Variants in KIF24 observed in about 807,000 individuals in gnomAD.
KIF24 encodes the protein kinesin family member 24.
A neutral mutation model predicts 118.9 loss-of-function variants in KIF24; 81 were observed. The ratio of observed to expected loss-of-function variants is 0.68; its 90% CI spans 0.57 to 0.82. The LOEUF is 0.82. Ranked by LOEUF, KIF24 falls within the 40% of genes least tolerant of loss-of-function variation. The pLI is 0.00. For synonymous variants in KIF24, 599 were observed against 610.0 expected (o/e 0.98, Z 0.27); for missense variants, 1,560 against 1,661.6 (o/e 0.94, Z 1.06).
chr9:34,291,341 A>AG (rs1368042042), intron 4 of KIF24, among the ~76,000 whole-genome samples: 2 of 152,132 alleles, frequency 1.3e-5, no homozygotes, highest in Non-Finnish European at 2.9e-5. Context: ...CCAAATCTTG[A>AG]GGGGAAAAAA....
upstream of KIF24, among the ~76,000 whole-genome samples, chr9:34,329,858 G>GT (rs1837837913): frequency 6.6e-6 from 1 of 152,090 alleles, no homozygotes; most frequent in African/African-American, 2.4e-5. Context: ...GGATAGGGTG[G>GT]GTCGTCCAAA....
chr9:34,306,270 G>A lies in KIF24; in HGVS notation c.795C>T (p.Leu265=), dbSNP rs758143760. ...LVHEKKEAVD[L]TQYILQHVFY... is the part of the protein sequence containing the mutation. ...ATCATACCTGCAGAATATATTGAGT[G>A]AGGTCAACTGCTTCTTTCTTCTCAT... Residue 265 remains leucine (L), a synonymous_variant, in exon 3 of 13, where the codon CTC becomes CTT. Transcript: ENST00000402558. The A allele has an allele frequency of 1.5e-5, 24 of 1,600,492 alleles. No individual in the cohort carries two copies. The highest frequency in any genetic ancestry group is 2.0e-5 in the Non-Finnish European group (24 of 1,172,910).
At chr9:34,323,951 A>G (rs1837597192) in intron 1 of KIF24, among the ~76,000 whole-genome samples, 1 of 152,234 alleles carries the variant, frequency 6.6e-6, no homozygotes, top group Admixed American at 6.5e-5. Flanking sequence ...TTTGTTTTAG[A>G]AAGTGATCAG....
intron 1 of KIF24, among the ~76,000 whole-genome samples, chr9:34,313,834 A>C (rs574099372): frequency 6.7e-6 from 1 of 149,358 alleles, no homozygotes; most frequent in East Asian, 2.0e-4. Flanking sequence ...TGCAGCCTCA[A>C]CCTGCTGGGC....
At chr9:34,301,172 T>G (rs1836693106) in intron 3 of KIF24, among the ~76,000 whole-genome samples, 1 of 152,196 alleles carries the variant, frequency 6.6e-6, no homozygotes, top group African/African-American at 2.4e-5. Context: ...ACACACACTT[T>G]CATTTGCTCA....
intron 1 of KIF24, chr9:34,319,169 G>T: frequency 6.2e-7 from 1 of 1,603,194 alleles, no homozygotes; most frequent in Non-Finnish European, 8.5e-7. Flanking sequence ...GCTGCAAATC[G>T]TGGAGATGCC....
upstream of KIF24, among the ~76,000 whole-genome samples, chr9:34,332,397 T>G (rs916336135): frequency 6.6e-6 from 1 of 152,226 alleles, no homozygotes; most frequent in Non-Finnish European, 1.5e-5. Flanking sequence ...GTAACTTGTC[T>G]GTTGGAATGT....
chr9:34,269,167 T>C, intron 8 of KIF24, 90 bp downstream of exon 8: 1 of 713,848 alleles, frequency 1.4e-6, no homozygotes, highest in Non-Finnish European at 2.4e-6. Context: ...GTTGCTTTGC[T>C]GATTCCATCC....
intron 1 of KIF24, among the ~76,000 whole-genome samples, chr9:34,313,738 G>GTT (rs5897567): frequency 7.7e-5 from 10 of 130,348 alleles, no homozygotes; most frequent in Non-Finnish European, 9.8e-5. Flanking sequence ...CCCGTTATCT[G>GTT]TTTTTTTTTT....
In KIF24 at chr9:34,257,644, C is replaced by T. The variant is rs200112735; in HGVS notation, c.1963G>A (p.Gly655Arg). Residue 655 changes from glycine (G) to arginine (R), a missense_variant, in exon 11 of 13, where the codon GGA becomes AGA. Coordinates refer to ENST00000402558, the MANE Select transcript of KIF24 (RefSeq NM_194313.4). ...ASPVKGTVRSGHVAKKKPEES... is the reference protein window; with the variant it reads ...ASPVKGTVRSRHVAKKKPEES... Reference sequence around the variant, plus strand: ...TCTGGCTTTTTTTTGGCCACATGTCCAGAGCGCACAGTTCCTTTCACAGGG... The same window carrying T: ...TCTGGCTTTTTTTTGGCCACATGTCTAGAGCGCACAGTTCCTTTCACAGGG... The T allele has an allele frequency of 3.1e-6, 5 of 1,614,040 alleles. No homozygotes were observed. The African/African-American group carries it at 6.7e-5, about 22-fold the overall frequency.
At chr9:34,260,497 A>C (rs1173326280) in intron 9 of KIF24, among the ~76,000 whole-genome samples, 1 of 152,214 alleles carries the variant, frequency 6.6e-6, no homozygotes, top group African/African-American at 2.4e-5. Context: ...GATCCATATG[A>C]GGCTATGCGG....
intron 3 of KIF24, among the ~76,000 whole-genome samples, chr9:34,299,379 A>G (rs747074695): frequency 6.6e-6 from 1 of 151,752 alleles, no homozygotes; most frequent in Non-Finnish European, 1.5e-5. Context: ...CGGGGGTCTC[A>G]TCATGTTGGC....
intron 1 of KIF24, among the ~76,000 whole-genome samples, chr9:34,321,675 C>T (rs575280759): frequency 6.7e-6 from 1 of 148,686 alleles, no homozygotes; most frequent in Admixed American, 6.8e-5. Flanking sequence ...GGTGCAATCA[C>T]GGCTCACTGT....
chr9:34,256,519 G>A lies in KIF24; in HGVS notation c.3088C>T (p.Pro1030Ser). The A allele has an allele frequency of 6.2e-7, 1 of 1,613,930 alleles. No individual in the cohort carries two copies. The highest frequency in any genetic ancestry group is 1.3e-5 in the African/African-American group (1 of 75,024). The change falls in exon 11 of 13, where the codon CCA becomes TCA. Residue 1030 changes from proline (P) to serine (S), a missense_variant. Pro to Ser is a moderately conservative substitution (Grantham distance 74). This residue lies in a region of KIF24 where 591 missense variants were observed against 655.6 expected (regional missense o/e 0.90). Transcript: ENST00000402558. ...AACTGCCCCCTAGGATCCTCTCCTG[G>A]GACAGCATGACCGTTTTTCACAGTG... is the stretch of plus-strand genomic sequence containing the variant. ...TSTVKNGHAV[P>S]GEDPRGQLGT...
intron 11 of KIF24, 73 bp downstream of exon 11, chr9:34,255,662 T>C (rs1222095396): frequency 2.2e-6 from 3 of 1,347,718 alleles, no homozygotes; most frequent in South Asian, 1.4e-5. Context: ...TCTTTGTCCA[T>C]GACAAAACAG....
intron 1 of KIF24, among the ~76,000 whole-genome samples, chr9:34,313,792 G>A: frequency 6.9e-6 from 1 of 144,258 alleles, no homozygotes. Flanking sequence ...CTGTTGCCCA[G>A]GCTGGAGTGC....
rs1259800854 is a variant in KIF24 at position 34,281,170 on chromosome 9, C to T, written c.1215+5447G>A. Among the ~76,000 whole-genome samples the T allele has an allele frequency of 7.3e-4, 111 of 152,200 alleles. 1 individual carries two copies. The highest frequency in any genetic ancestry group is 1.9e-4 in the Non-Finnish European group (13 of 68,006). On this transcript the variant is annotated intron_variant, in intron 6 of 12. Transcript: ENST00000402558. The stretch of plus-strand genomic sequence containing the variant: ...CCTCCCAAGTAGCTGGGATTACAAG[C>T]GCCCACCACCATACCCGGCTCATTT...
rs144110831 is a variant in KIF24, at chr9:34,285,732, G to A, written c.1215+885C>T. 3.2e-3 allele frequency among the ~76,000 whole-genome samples: 458 copies of A among 144,832 alleles called. 1 individual carries two copies. The highest frequency in any genetic ancestry group is 0.011 in the African/African-American group (434 of 38,666). On this transcript the variant is annotated intron_variant, in intron 6 of 12. Transcript: ENST00000402558. ...AGAGCTTGCAATGAGCAGAGATTGC[G>A]CCACTGCACTCCAGCCTAGGTGACA...
intron 7 of KIF24, among the ~76,000 whole-genome samples, chr9:34,270,947 T>A (rs1352510214): frequency 6.7e-6 from 1 of 148,206 alleles, no homozygotes; most frequent in African/African-American, 2.5e-5. Flanking sequence ...AAAAAAAAAA[T>A]AGCTAGGTGT....
Sources: gnomAD v4.1 joint callset for allele counts (sites outside exome capture counted in the v4.1 genomes callset) on GRCh38, gnomAD v4.1.1 for gene constraint, gnomAD v4.1.1 regional missense constraint, MANE v1.5 for transcripts, NCBI Gene and HGNC (gene_info 2026-07-23, HGNC 2026-07-21) for gene names.